INSL6: variants seen among roughly 807,000 people sequenced by gnomAD.
INSL6 encodes insulin-like peptide INSL6.
In INSL6, 16 loss-of-function variants were observed where a neutral mutation model predicts 9.4. That is an observed-to-expected ratio of 1.70 (90% CI 1.15 to 2.59). INSL6 has a LOEUF of 2.59. Among genes scored for constraint, INSL6 ranks in the 30% most tolerant of loss-of-function variants. INSL6 has a pLI of 0.00. For missense variants in INSL6, 391 were observed against 257.3 expected, an observed-to-expected ratio of 1.52 and a Z score of -3.56; for synonymous variants, 154 against 96.9, an observed-to-expected ratio of 1.59 and a Z score of -3.46.
chr9:5,032,020 G>T, the INSL6 span, among the ~76,000 whole-genome samples: 1 of 152,242 alleles, frequency 6.6e-6, no homozygotes, highest in Non-Finnish European at 1.5e-5. Context: ...TCAAAGAAAG[G>T]GGTGACAGAC....
the INSL6 span, chr9:5,097,489 T>G: frequency 6.6e-6 from 1 of 152,210 alleles, no homozygotes; most frequent in Admixed American, 6.5e-5. Flanking sequence ...AGCCATAATA[T>G]CTATTGGCTT....
the INSL6 span, among the ~76,000 whole-genome samples, chr9:5,081,245 T>C: frequency 3.7e-5 from 5 of 136,208 alleles, no homozygotes; most frequent in African/African-American, 1.5e-4. Context: ...ATTTAGTGAG[T>C]TGTAAATTAT....
At chr9:5,162,072 CAAA>C (rs59132384), downstream of INSL6, among the ~76,000 whole-genome samples, 1 of 136,314 alleles carries the variant, frequency 7.3e-6, no homozygotes, top group African/African-American at 2.7e-5. Context: ...GACCCTGCCT[CAAA>C]AAAAAAAAAG....
At chr9:5,111,081 C>T in the INSL6 span, 3 of 1,219,952 alleles carry the variant, frequency 2.5e-6, no homozygotes, top group Non-Finnish European at 2.3e-6. Flanking sequence ...CCAGCTCAGG[C>T]TCCTGGGGCA....
the INSL6 span, among the ~76,000 whole-genome samples, chr9:5,106,342 A>G: frequency 6.6e-6 from 1 of 152,258 alleles, no homozygotes; most frequent in Non-Finnish European, 1.5e-5. Context: ...CAAAACCACA[A>G]TGAGATACCA....
At chr9:5,184,615 T>C (rs1167251393) in intron 1 of INSL6, among the ~76,000 whole-genome samples, 3 of 152,230 alleles carry the variant, frequency 2.0e-5, no homozygotes, top group Non-Finnish European at 2.9e-5. Context: ...TTTATGGGAC[T>C]GAAACCTATG....
chr9:5,112,485 C>T, the INSL6 span: 1 of 553,680 alleles, frequency 1.8e-6, no homozygotes, highest in Non-Finnish European at 3.3e-6. Flanking sequence ...CCAGCCCAGA[C>T]AAGGACGAGG....
intron 1 of INSL6, among the ~76,000 whole-genome samples, chr9:5,183,113 T>A (rs1295058958): frequency 6.6e-6 from 1 of 152,216 alleles, no homozygotes; most frequent in Non-Finnish European, 1.5e-5. Context: ...ATAAAAATGA[T>A]GTCATAATTA....
At chr9:5,032,109 C>A in the INSL6 span, among the ~76,000 whole-genome samples, 1 of 152,240 alleles carries the variant, frequency 6.6e-6, no homozygotes, top group Non-Finnish European at 1.5e-5. Flanking sequence ...ATATCCCGCG[C>A]CTGGCTCAGA....
chr9:5,078,193 A>G, the INSL6 span: 2 of 823,338 alleles, frequency 2.4e-6, no homozygotes, highest in Non-Finnish European at 1.8e-6. Flanking sequence ...CCTCCAAATT[A>G]TTATACTATC....
the INSL6 span, chr9:5,072,554 A>G: frequency 3.1e-6 from 5 of 1,611,102 alleles, no homozygotes; most frequent in Non-Finnish European, 4.2e-6. Flanking sequence ...GAGAAGTAGG[A>G]GACTACGGTC....
the INSL6 span, among the ~76,000 whole-genome samples, chr9:5,000,296 C>T: frequency 1.3e-5 from 2 of 151,982 alleles, no homozygotes; most frequent in Non-Finnish European, 2.9e-5. Flanking sequence ...ATAGAAATAA[C>T]TGACATAGTT....
chr9:5,065,054 AC>A, the INSL6 span: 2 of 1,499,662 alleles, frequency 1.3e-6, no homozygotes, highest in Non-Finnish European at 1.8e-6. Context: ...AGTAATACAG[AC>A]TTAAAAGTAA....
At chr9:5,087,551 A>G in the INSL6 span, among the ~76,000 whole-genome samples, 1 of 152,232 alleles carries the variant, frequency 6.6e-6, no homozygotes, top group Non-Finnish European at 1.5e-5. Flanking sequence ...TTTTCGCTGT[A>G]TTTTTCTTCA....
At chr9:5,041,156 A>G in the INSL6 span, 8 of 1,171,620 alleles carry the variant, frequency 6.8e-6, no homozygotes, top group African/African-American at 9.1e-5. Context: ...GATCACGCGC[A>G]TGGATTATGT....
the INSL6 span, among the ~76,000 whole-genome samples, chr9:5,116,509 C>A: frequency 3.3e-3 from 502 of 152,220 alleles, 3 homozygotes; most frequent in Non-Finnish European, 5.5e-3. Flanking sequence ...CCCAGTGATA[C>A]ATGAATTTAA....
chr9:5,114,296 G>T, the INSL6 span: 1 of 543,342 alleles, frequency 1.8e-6, no homozygotes, highest in South Asian at 1.6e-5. Flanking sequence ...ACGTGAAGCT[G>T]ACTTGGTCCC....
At chr9:5,113,972 C>G in the INSL6 span, 2 of 273,496 alleles carry the variant, frequency 7.3e-6, no homozygotes, top group East Asian at 2.2e-4. Flanking sequence ...CAGGTGCCAT[C>G]AGCATCACCT....
At chr9:5,046,612 T>C in the INSL6 span, among the ~76,000 whole-genome samples, 1 of 152,212 alleles carries the variant, frequency 6.6e-6, no homozygotes, top group East Asian at 1.9e-4. Flanking sequence ...CTTTTGCTTG[T>C]GAATATCCAG....
Sources: allele counts gnomAD v4.1 joint callset (sites outside exome capture counted in the v4.1 genomes callset), GRCh38; gene constraint gnomAD v4.1.1; transcripts MANE v1.5; gene names NCBI Gene and HGNC (gene_info 2026-07-23, HGNC 2026-07-21).